ZNF618: variants seen among roughly 807,000 people sequenced by gnomAD.
ZNF618 encodes the protein zinc finger protein 618.
Under a neutral mutation model 103.0 loss-of-function variants are expected in ZNF618, and 34 were observed. That is an observed-to-expected ratio of 0.33 (90% confidence interval 0.25 to 0.44). ZNF618 has a LOEUF of 0.44. Among genes scored for constraint, ZNF618 ranks in the 20% least tolerant of loss-of-function variants. ZNF618 has a pLI of 1.00. For synonymous variants in ZNF618, 551 were observed against 542.2 expected (o/e 1.02, Z -0.23); for missense variants, 1,059 against 1,295.4 (o/e 0.82, Z 2.80).
intron 9 of ZNF618, chr9:114,016,237 T>G (rs1588350158): frequency 1.4e-6 from 2 of 1,453,738 alleles, no homozygotes; most frequent in Admixed American, 1.7e-5. Flanking sequence ...GGGTGGGGGG[T>G]GCTTGGGGGC....
chr9:113,978,817 C>CA (rs879514434), intron 2 of ZNF618, among the ~76,000 whole-genome samples: 18 of 151,948 alleles, frequency 1.2e-4, no homozygotes, highest in African/African-American at 4.4e-4. Flanking sequence ...ATCTAGAAAC[C>CA]AAAAAATCCC....
chr9:113,909,636 T>C (rs1588010097), intron 1 of ZNF618, among the ~76,000 whole-genome samples: 1 of 152,142 alleles, frequency 6.6e-6, no homozygotes, highest in Admixed American at 6.5e-5. Flanking sequence ...TCTCAGGGCC[T>C]GGGCTTGCTT....
intron 2 of ZNF618, among the ~76,000 whole-genome samples, chr9:113,985,137 G>T (rs897143778): frequency 1.3e-5 from 2 of 152,250 alleles, no homozygotes; most frequent in Non-Finnish European, 2.9e-5. Context: ...GCACTGTGGG[G>T]TAGGTACCGT....
intron 10 of ZNF618, among the ~76,000 whole-genome samples, chr9:114,019,616 C>A (rs1842913226): frequency 6.6e-6 from 1 of 152,202 alleles, no homozygotes; most frequent in Non-Finnish European, 1.5e-5. Context: ...TTTATATTTA[C>A]TTATTGGCCA....
intron 1 of ZNF618, among the ~76,000 whole-genome samples, chr9:113,901,878 G>C (rs778385289): frequency 6.6e-6 from 1 of 152,048 alleles, no homozygotes; most frequent in Non-Finnish European, 1.5e-5. Flanking sequence ...GTGTCTAACT[G>C]GTCTTGAAGC....
At chr9:113,962,835 T>C (rs552409444) in intron 1 of ZNF618, among the ~76,000 whole-genome samples, 133 of 152,292 alleles carry the variant, frequency 8.7e-4, no homozygotes, top group African/African-American at 3.0e-3. Context: ...ATAGAACTGA[T>C]TACTTTCAAG....
At chr9:114,013,249 T>C (rs1030230802) in intron 9 of ZNF618, among the ~76,000 whole-genome samples, 2 of 152,182 alleles carry the variant, frequency 1.3e-5, no homozygotes, top group African/African-American at 4.8e-5. Context: ...GAAGATATAC[T>C]CTGATGAACT....
intron 10 of ZNF618, 91 bp from the exon 11 acceptor site, chr9:114,028,636 ACAGTCC>A: frequency 7.0e-7 from 1 of 1,427,862 alleles, no homozygotes; most frequent in Non-Finnish European, 9.3e-7. Flanking sequence ...TTGGACAGAG[ACAGTCC>A]CAACCCTGGA....
At chr9:114,041,081 G>A (rs1384069796) in intron 13 of ZNF618, among the ~76,000 whole-genome samples, 1 of 152,222 alleles carries the variant, frequency 6.6e-6, no homozygotes, top group Non-Finnish European at 1.5e-5. Context: ...CTGATGGCCA[G>A]TGATGATGAG....
chr9:113,948,026 C>T (rs1419061058), intron 1 of ZNF618, among the ~76,000 whole-genome samples: 1 of 152,142 alleles, frequency 6.6e-6, no homozygotes. Context: ...CAGTCAATGG[C>T]AGAGCTGGGT....
chr9:113,991,251 T>C (rs1359868760), intron 3 of ZNF618, among the ~76,000 whole-genome samples: 1 of 152,216 alleles, frequency 6.6e-6, no homozygotes, highest in Non-Finnish European at 1.5e-5. Context: ...TTGGCCTCAC[T>C]GTACCTTAGT....
At chr9:113,882,857 A>G (rs890741723) in intron 1 of ZNF618, among the ~76,000 whole-genome samples, 2 of 152,120 alleles carry the variant, frequency 1.3e-5, no homozygotes, top group African/African-American at 4.8e-5. Flanking sequence ...CCTCGAGATC[A>G]GCTGCACTTC....
chr9:114,006,138 C>T (rs1329160985), intron 6 of ZNF618, among the ~76,000 whole-genome samples: 4 of 152,196 alleles, frequency 2.6e-5, no homozygotes, highest in African/African-American at 7.2e-5. Context: ...GGCCAGAAAC[C>T]TTCCCACGGA....
At chr9:113,951,402 CGTATATAT>C (rs1835562390) in intron 1 of ZNF618, among the ~76,000 whole-genome samples, 1 of 33,592 alleles carries the variant, frequency 3.0e-5, no homozygotes, top group African/African-American at 1.0e-4. Flanking sequence ...TATATATATA[CGTATATAT>C]ACACACATAT....
At chr9:113,903,138 G>A (rs753853131) in intron 1 of ZNF618, among the ~76,000 whole-genome samples, 2 of 152,218 alleles carry the variant, frequency 1.3e-5, no homozygotes, top group African/African-American at 4.8e-5. Flanking sequence ...TGTTGGGCTT[G>A]CCTTGAATCC....
chr9:114,017,434 C>T (rs773559883), intron 10 of ZNF618, among the ~76,000 whole-genome samples: 2 of 152,166 alleles, frequency 1.3e-5, no homozygotes, highest in Non-Finnish European at 2.9e-5. Flanking sequence ...CTTCCATCCT[C>T]CTGGTGCCCG....
intron 1 of ZNF618, among the ~76,000 whole-genome samples, chr9:113,955,983 G>C (rs879602866): frequency 6.6e-6 from 1 of 152,068 alleles, no homozygotes; most frequent in Admixed American, 6.5e-5. Flanking sequence ...GCCGAAGCGG[G>C]TGGATCACCT....
Position 114,049,320 on chromosome 9 carries a change from G to C in ZNF618, c.2018G>C (p.Gly673Ala). 1 of 1,611,448 alleles carries C rather than the reference G, an allele frequency of 6.2e-7. No individual in the cohort carries two copies. Among genetic ancestry groups the C allele is most frequent in the Non-Finnish European group, 8.5e-7 (1 of 1,179,564 alleles). ...CTCAACGTGTGCGAGGACCTGGCGG[G>C]CTCCACGGGCCTGGCCAAGGAGACC... ...ELLNVCEDLA[G>A]STGLAKETFG... Residue 673 changes from glycine (G) to alanine (A), a missense_variant, in exon 15 of 15, where the codon GGC becomes GCC. Physicochemically the swap from Gly to Ala is moderately conservative, Grantham distance 60. Around this residue, in one of 6 missense-constraint regions of ZNF618, gnomAD observed 272 missense variants for 380.1 expected, o/e 0.72. Coordinates refer to ENST00000374126, the MANE Select transcript of ZNF618 (RefSeq NM_001318042.2).
intron 2 of ZNF618, among the ~76,000 whole-genome samples, chr9:113,976,710 C>G (rs959348488): frequency 1.3e-5 from 2 of 152,166 alleles, no homozygotes; most frequent in Non-Finnish European, 2.9e-5. Context: ...TTCATAGGAG[C>G]TAAAAATTCC....
Sources: allele counts gnomAD v4.1 joint callset (sites outside exome capture counted in the v4.1 genomes callset), GRCh38; gene constraint gnomAD v4.1.1; regional missense constraint gnomAD v4.1.1; transcripts MANE v1.5; gene names NCBI Gene and HGNC (gene_info 2026-07-23, HGNC 2026-07-21).